The following RIT2 variants were observed in gnomAD, a reference collection of about 807,000 sequenced individuals.
The protein encoded by RIT2 is Ras like without CAAX 2.
Under a neutral mutation model 23.7 loss-of-function variants are expected in RIT2, and 24 were observed. The ratio of observed to expected loss-of-function variants is 1.01; its 90% CI spans 0.73 to 1.43. The LOEUF is 1.43. Among genes scored for constraint, RIT2 ranks in the 40% most tolerant of loss-of-function variants. The pLI is 0.00. For synonymous variants in RIT2, 107 were observed against 91.1 expected (o/e 1.17, Z -0.99); for missense variants, 236 against 266.9 (o/e 0.88, Z 0.81).
chr18:43,050,342 TGAA>T (rs1421422931), intron 1 of RIT2, among the ~76,000 whole-genome samples: 1 of 152,012 alleles, frequency 6.6e-6, no homozygotes, highest in African/African-American at 2.4e-5. Context: ...AATTGATTTT[TGAA>T]AATAAAATCT....
At chr18:42,993,219 G>A (rs1326725905) in intron 2 of RIT2, among the ~76,000 whole-genome samples, 1 of 152,150 alleles carries the variant, frequency 6.6e-6, no homozygotes, top group Non-Finnish European at 1.5e-5. Flanking sequence ...GCCACGTCCT[G>A]TCTATGTGGG....
chr18:43,115,546 A>C lies in RIT2; in HGVS notation c.-27T>G. The C allele has an allele frequency of 6.2e-7, 1 of 1,600,424 alleles. No homozygotes were observed. The highest frequency in any genetic ancestry group is 1.1e-5 in the South Asian group (1 of 88,870). ...TTACCCGAGGGACCGGAGGAAAAAA[A>C]GAAGGAGAAAGTCACCCGTGTCAGG... is the stretch of plus-strand genomic sequence containing the variant. On this transcript the variant is annotated 5_prime_UTR_variant, in exon 1 of 5. Transcript: ENST00000326695.
At chr18:42,918,585 A>AT (rs941684465) in intron 4 of RIT2, among the ~76,000 whole-genome samples, 18 of 152,160 alleles carry the variant, frequency 1.2e-4, no homozygotes, top group African/African-American at 4.3e-4. Context: ...CACTACTCTT[A>AT]TTTTTTTAAG....
chr18:42,784,314 AG>A (rs1245592517), intron 4 of RIT2, among the ~76,000 whole-genome samples: 4 of 151,316 alleles, frequency 2.6e-5, no homozygotes, highest in Non-Finnish European at 5.9e-5. Flanking sequence ...TGAAAGATAA[AG>A]GCAAGAGAAT....
At chr18:42,891,885 T>C (rs1161624373) in intron 4 of RIT2, among the ~76,000 whole-genome samples, 2 of 152,124 alleles carry the variant, frequency 1.3e-5, no homozygotes, top group African/African-American at 2.4e-5. Context: ...TTATAGGACA[T>C]GGGCTTAGGG....
At chr18:43,038,313 GTT>G (rs71175933) in intron 1 of RIT2, among the ~76,000 whole-genome samples, 35 of 136,794 alleles carry the variant, frequency 2.6e-4, no homozygotes, top group Non-Finnish European at 3.6e-4. Context: ...TTGAATCGTG[GTT>G]TTTTTTTTTT....
intron 4 of RIT2, among the ~76,000 whole-genome samples, chr18:42,769,284 T>C (rs1393123183): frequency 6.6e-6 from 1 of 152,200 alleles, no homozygotes; most frequent in African/African-American, 2.4e-5. Context: ...GTGACTTTAT[T>C]TTTTTAAACT....
intron 4 of RIT2, among the ~76,000 whole-genome samples, chr18:42,888,789 C>A (rs1193254050): frequency 6.6e-6 from 1 of 152,000 alleles, no homozygotes; most frequent in Admixed American, 6.6e-5. Flanking sequence ...AGCCACAATC[C>A]TAAGTAAATT....
intron 1 of RIT2, among the ~76,000 whole-genome samples, chr18:43,107,096 A>T (rs1460567669): frequency 1.3e-5 from 2 of 152,200 alleles, no homozygotes; most frequent in Non-Finnish European, 2.9e-5. Context: ...ACGCACAGAA[A>T]TAATCGGTCA....
rs1322928305 is a variant in RIT2 at position 42,832,102 on chromosome 18, C to T, written c.427-88382G>A. 2.6e-5 allele frequency among the ~76,000 whole-genome samples: 4 copies of T among 152,226 alleles called. No homozygotes were observed. The East Asian group carries it at 7.7e-4, about 29-fold the overall frequency. ...CAGGAGAAAGCTTCAGGGCAGGCAA[C>T]AACCAGAGGAAAAATTTTACAAAAT... On this transcript the variant is annotated intron_variant, in intron 4 of 4. Transcript: ENST00000326695.
chr18:42,928,233 G>C (rs1909233085), intron 3 of RIT2, among the ~76,000 whole-genome samples: 1 of 151,934 alleles, frequency 6.6e-6, no homozygotes, highest in South Asian at 2.1e-4. Context: ...ATCTGAACTT[G>C]TCTGGGTTGG....
intron 4 of RIT2, among the ~76,000 whole-genome samples, chr18:42,811,681 A>G (rs2143977337): frequency 6.6e-6 from 1 of 152,266 alleles, no homozygotes; most frequent in African/African-American, 2.4e-5. Context: ...GTTGAAAAAT[A>G]TGTCATGTCA....
At chr18:43,020,001 A>T (rs756793895) in intron 2 of RIT2, among the ~76,000 whole-genome samples, 3 of 152,086 alleles carry the variant, frequency 2.0e-5, no homozygotes, top group Non-Finnish European at 4.4e-5. Flanking sequence ...CCTCTACAGG[A>T]AAGCTGCAAA....
Position 43,115,500 on chromosome 18 carries a change from G to C in RIT2, c.20C>G (p.Ala7Gly), listed in dbSNP as rs1381154303. ...TGATGCGCTGCCCGGGGAGCAGCTG[G>C]CTTCATTTTCTACCTCCATCTTACC... Reference protein sequence around the residue: MEVENEASCSPGSASGG... With the variant: MEVENEGSCSPGSASGG... Residue 7 changes from alanine to glycine, a missense_variant, in exon 1 of 5, where the codon GCC (alanine) becomes GGC (glycine). Physicochemically the swap from Ala to Gly is moderately conservative, Grantham distance 60. Coordinates refer to ENST00000326695, the MANE Select transcript of RIT2 (RefSeq NM_002930.4). 15 of 1,612,954 alleles carry C rather than the reference G, an allele frequency of 9.3e-6. No individual in the cohort carries two copies. The Middle Eastern group carries it at 5.0e-4, about 53-fold the overall frequency.
chr18:42,868,695 G>A (rs749920156), intron 4 of RIT2, among the ~76,000 whole-genome samples: 2 of 152,094 alleles, frequency 1.3e-5, no homozygotes, highest in Non-Finnish European at 2.9e-5. Context: ...TGTTAGCATC[G>A]ATCCAAAGAA....
chr18:43,053,174 G>T (rs1258694152), intron 1 of RIT2, among the ~76,000 whole-genome samples: 1 of 152,002 alleles, frequency 6.6e-6, no homozygotes, highest in South Asian at 2.1e-4. Flanking sequence ...ATTAGTTTAG[G>T]TAATGCTGTC....
Position 42,965,711 on chromosome 18 carries a change from C to CTT in RIT2, c.234+8361_234+8362dup, listed in dbSNP as rs58344278. 7.3e-3 allele frequency among the ~76,000 whole-genome samples: 274 copies of CTT among 37,764 alleles called. 87 individuals are homozygous for CTT. The highest frequency in any genetic ancestry group is 0.019 in the Middle Eastern group (1 of 54). The allele number at this position is 37,764 out of a possible 152,430, so 24.8% of individuals were successfully genotyped here. On this transcript the variant is annotated intron_variant, in intron 3 of 4. Transcript: ENST00000326695. ...GGTAAACAAAGATGTGTACTGATGG[C>CTT]TTTTTTTTTTTTTTTTTTTTTTTTT...
intron 3 of RIT2, among the ~76,000 whole-genome samples, chr18:42,941,055 A>C (rs1909589256): frequency 6.6e-6 from 1 of 152,156 alleles, no homozygotes; most frequent in Non-Finnish European, 1.5e-5. Flanking sequence ...TGGCTTTCTG[A>C]CATTATTCAG....
intron 4 of RIT2, among the ~76,000 whole-genome samples, chr18:42,841,857 G>A (rs930335272): frequency 5.3e-5 from 8 of 152,254 alleles, no homozygotes; most frequent in Non-Finnish European, 1.0e-4. Context: ...TTATACTATA[G>A]TTTATATTGA....
Sources: allele counts gnomAD v4.1 joint callset (sites outside exome capture counted in the v4.1 genomes callset), GRCh38; gene constraint gnomAD v4.1.1; transcripts MANE v1.5; gene names NCBI Gene and HGNC (gene_info 2026-07-23, HGNC 2026-07-21).